Variants in FGD6 observed in about 807,000 individuals in gnomAD.
FGD6 encodes FYVE, RhoGEF and PH domain containing 6.
FGD6 carries 90 observed loss-of-function variants against 149.4 expected under a neutral mutation model. That is an observed-to-expected ratio of 0.60 (90% CI 0.51 to 0.72). The LOEUF is 0.72. Ranked by LOEUF, FGD6 falls within the 30% of genes least tolerant of loss-of-function variation. FGD6 has a pLI of 0.00. For missense variants in FGD6, 1,437 were observed against 1,684.8 expected (o/e 0.85, Z 2.57); for synonymous variants, 527 against 584.0 (o/e 0.90, Z 1.41).
chr12:95,094,420 T>C (rs1203312960), intron 15 of FGD6, among the ~76,000 whole-genome samples, 172 bp downstream of exon 15: 1 of 152,030 alleles, frequency 6.6e-6, no homozygotes, highest in African/African-American at 2.4e-5. Flanking sequence ...GAGACAACAA[T>C]AGGAGGATAA....
In FGD6 at chr12:95,077,210, A is replaced by G. The variant is rs1198650303; in HGVS notation, c.*4310T>C. The G allele has an allele frequency of 6.6e-6, 1 of 152,244 alleles. No individual in the cohort carries two copies. The highest frequency in any genetic ancestry group is 2.1e-4 in the South Asian group (1 of 4,836). 9.4% of individuals were successfully genotyped at this position (152,244 alleles called of 1,614,324 possible). A position where few individuals can be genotyped will look rare whatever the true frequency, so the allele number is the denominator to read the frequency against. Reference sequence around the variant, plus strand: ...GAAGGGATCCATAGGAAGGAATTTAATTCAGCAAATACTGAGTGTCCACTG... The same window carrying G: ...GAAGGGATCCATAGGAAGGAATTTAGTTCAGCAAATACTGAGTGTCCACTG... On this transcript the variant is annotated 3_prime_UTR_variant, in exon 21 of 21. Coordinates refer to ENST00000343958, the MANE Select transcript of FGD6 (RefSeq NM_018351.4).
chr12:95,149,726 AAATT>A (rs1176097925), intron 5 of FGD6, among the ~76,000 whole-genome samples: 6 of 145,462 alleles, frequency 4.1e-5, no homozygotes, highest in African/African-American at 1.5e-4. Context: ...CATTTCATAT[AAATT>A]ATGTTTGATA....
At chr12:95,122,793 C>A (rs561693393) in intron 8 of FGD6, among the ~76,000 whole-genome samples, 9 of 150,842 alleles carry the variant, frequency 6.0e-5, no homozygotes, top group South Asian at 4.2e-4. Flanking sequence ...TAGAAAGTGT[C>A]ATCTCGGGAG....
intron 3 of FGD6, among the ~76,000 whole-genome samples, chr12:95,160,811 C>A (rs370324924): frequency 6.6e-6 from 1 of 152,034 alleles, no homozygotes; most frequent in Non-Finnish European, 1.5e-5. Flanking sequence ...TTGCTGTGAG[C>A]CAAGATCATG....
intron 2 of FGD6, among the ~76,000 whole-genome samples, chr12:95,197,563 C>T (rs1414059306): frequency 1.3e-5 from 2 of 152,214 alleles, no homozygotes; most frequent in East Asian, 3.8e-4. Context: ...CCCTACCATT[C>T]ATTTAAATCT....
At chr12:95,183,384 G>A (rs191594706) in intron 2 of FGD6, among the ~76,000 whole-genome samples, 228 of 152,348 alleles carry the variant, frequency 1.5e-3, no homozygotes, top group South Asian at 2.9e-3. Context: ...CCTGAGTACA[G>A]GCCTGGGTGG....
chr12:95,118,245 G>A (rs1322357273), intron 8 of FGD6, among the ~76,000 whole-genome samples: 1 of 151,852 alleles, frequency 6.6e-6, no homozygotes, highest in Non-Finnish European at 1.5e-5. Flanking sequence ...CAGCTACTCA[G>A]GAGACTGAGG....
At chr12:95,153,810 TC>T (rs1206357676) in intron 3 of FGD6, among the ~76,000 whole-genome samples, 2 of 152,024 alleles carry the variant, frequency 1.3e-5, no homozygotes, top group Non-Finnish European at 2.9e-5. Context: ...CAAATATAAG[TC>T]AAAATTACAG....
At chr12:95,204,985 A>G (rs942447020) in intron 2 of FGD6, among the ~76,000 whole-genome samples, 1 of 152,224 alleles carries the variant, frequency 6.6e-6, no homozygotes. Context: ...TTGTAAATGT[A>G]GGCTAGGCAT....
chr12:95,172,038 G>GA (rs1555221385), intron 3 of FGD6, among the ~76,000 whole-genome samples: 1 of 136,552 alleles, frequency 7.3e-6, no homozygotes, highest in African/African-American at 2.8e-5. Context: ...AATTCTAAGG[G>GA]GGGGGGGGTT....
chr12:95,158,527 CT>C (rs1403672262), intron 3 of FGD6, among the ~76,000 whole-genome samples: 1 of 151,936 alleles, frequency 6.6e-6, no homozygotes, highest in Non-Finnish European at 1.5e-5. Flanking sequence ...ACAGTCTGAC[CT>C]TGACCTGGCA....
At chr12:95,155,285 G>A (rs1281671275) in intron 3 of FGD6, among the ~76,000 whole-genome samples, 2 of 152,130 alleles carry the variant, frequency 1.3e-5, no homozygotes, top group African/African-American at 4.8e-5. Context: ...CCAGCACTTT[G>A]GCAGGCCGAG....
At chr12:95,109,057 G>A (rs1429424084) in intron 9 of FGD6, among the ~76,000 whole-genome samples, 1 of 152,146 alleles carries the variant, frequency 6.6e-6, no homozygotes, top group African/African-American at 2.4e-5. Context: ...GATTCCAAGA[G>A]GCATGAATTA....
At chr12:95,109,928 G>A (rs1472646736) in intron 9 of FGD6, among the ~76,000 whole-genome samples, 1 of 151,904 alleles carries the variant, frequency 6.6e-6, no homozygotes, top group Non-Finnish European at 1.5e-5. Flanking sequence ...GAGGTGTTTT[G>A]GTCCAGTTAT....
chr12:95,083,030 T>TATACACACACACACACAC (rs772685891), intron 20 of FGD6, among the ~76,000 whole-genome samples: 2 of 56,592 alleles, frequency 3.5e-5, no homozygotes, highest in African/African-American at 8.1e-5. Context: ...TATATATATA[T>TATACACACACACACACAC]ACACACACAT....
rs906115609 is a variant in FGD6, at chr12:95,172,830, A to G, written c.2442-86T>C. 5 of 1,123,952 alleles carry G rather than the reference A, an allele frequency of 4.4e-6. No homozygotes were observed. The African/African-American group carries it at 7.7e-5, about 17-fold the overall frequency. The allele number at this position is 1,123,952 out of a possible 1,614,324, so 69.6% of individuals were successfully genotyped here. The stretch of plus-strand genomic sequence containing the variant: ...AAAACCAAATCAACATCTTATCTTC[A>G]TAATGCAAACAAGATATATCTAAGG... On this transcript the variant is annotated intron_variant, in intron 2 of 20. Transcript: ENST00000343958.
At chr12:95,108,244 T>C (rs1243448631) in intron 11 of FGD6, 104 bp downstream of exon 11, 28 of 963,384 alleles carry the variant, frequency 2.9e-5, no homozygotes, top group Non-Finnish European at 3.3e-5. Flanking sequence ...ATTGAATCAA[T>C]GAAGAGTAAC....
chr12:95,145,872 C>G (rs546453447), intron 5 of FGD6, among the ~76,000 whole-genome samples: 2 of 152,230 alleles, frequency 1.3e-5, no homozygotes, highest in African/African-American at 4.8e-5. Flanking sequence ...TGGGGTTTCA[C>G]CAGGTTGGCC....
Position 95,200,319 on chromosome 12 carries a change from T to C in FGD6, c.2441+8524A>G, listed in dbSNP as rs1042406746. ...GTGTTTGTTTTCCTTTTAATTTTTA[T>C]GGAAACATCAGGGGGAAACTGGTTT... On this transcript the variant is annotated intron_variant, in intron 2 of 20. Coordinates refer to ENST00000343958, the MANE Select transcript of FGD6 (RefSeq NM_018351.4). Among the ~76,000 whole-genome samples, 4 of 152,358 alleles carry C rather than the reference T, an allele frequency of 2.6e-5. No homozygotes were observed. In the East Asian group the frequency reaches 5.8e-4, roughly 22 times the overall value.
Sources: allele counts gnomAD v4.1 joint callset (sites outside exome capture counted in the v4.1 genomes callset), GRCh38; gene constraint gnomAD v4.1.1; transcripts MANE v1.5; gene names NCBI Gene and HGNC (gene_info 2026-07-23, HGNC 2026-07-21).